MB21D2: variants seen among roughly 807,000 people sequenced by gnomAD.
The protein encoded by MB21D2 is Mab-21 domain containing 2.
Under a neutral mutation model 33.3 loss-of-function variants are expected in MB21D2, and 9 were observed. That is an observed-to-expected ratio of 0.27 (90% CI 0.16 to 0.47). MB21D2 has a LOEUF of 0.47. Ranked by LOEUF, MB21D2 falls within the 20% of genes least tolerant of loss-of-function variation. The probability of loss-of-function intolerance (pLI) is 0.99; values close to 1 mark genes in which losing one functional copy is unlikely to be tolerated. For missense variants in MB21D2, 540 were observed against 624.6 expected (o/e 0.86, Z 1.44); for synonymous variants, 241 against 236.3 (o/e 1.02, Z -0.18).
chr3:192,808,771 C>T (rs1711719518), intron 1 of MB21D2, among the ~76,000 whole-genome samples: 1 of 152,242 alleles, frequency 6.6e-6, no homozygotes, highest in Non-Finnish European at 1.5e-5. Flanking sequence ...ATAATCTGAG[C>T]ATTACGCCCA....
chr3:192,841,680 C>T (rs1308744288), intron 1 of MB21D2, among the ~76,000 whole-genome samples: 1 of 152,258 alleles, frequency 6.6e-6, no homozygotes, highest in African/African-American at 2.4e-5. Flanking sequence ...AAGCCACTCC[C>T]AGATTCCTGA....
chr3:192,813,989 C>T (rs1711852185), intron 1 of MB21D2, among the ~76,000 whole-genome samples: 1 of 152,160 alleles, frequency 6.6e-6, no homozygotes, highest in African/African-American at 2.4e-5. Flanking sequence ...TGCTTAATAG[C>T]TATTAATCAA....
chr3:192,806,142 C>T (rs1711655486), intron 1 of MB21D2, among the ~76,000 whole-genome samples: 1 of 152,198 alleles, frequency 6.6e-6, no homozygotes, highest in South Asian at 2.1e-4. Flanking sequence ...ACCCAGGTAC[C>T]CCATGGAATG....
chr3:192,859,431 A>G (rs1712990905), intron 1 of MB21D2, among the ~76,000 whole-genome samples: 3 of 152,084 alleles, frequency 2.0e-5, no homozygotes. Context: ...AGAAGACAGC[A>G]CTTTTGCTGT....
intron 1 of MB21D2, among the ~76,000 whole-genome samples, chr3:192,875,878 A>G (rs954289931): frequency 3.3e-5 from 5 of 152,078 alleles, no homozygotes; most frequent in African/African-American, 1.2e-4. Flanking sequence ...GGCTACATAC[A>G]CTCATTTCTA....
intron 1 of MB21D2, among the ~76,000 whole-genome samples, chr3:192,840,908 T>G (rs758551512): frequency 6.6e-6 from 1 of 152,216 alleles, no homozygotes; most frequent in South Asian, 2.1e-4. Context: ...CCAAAGCTTA[T>G]AGACAAGAGG....
rs763922500 is a variant in MB21D2, at chr3:192,798,913, T to G, written c.949A>C (p.Ile317Leu). Residue 317 changes from isoleucine to leucine, a missense_variant, in exon 2 of 2, where the codon ATC (isoleucine) becomes CTC (leucine). Physicochemically the swap from Ile to Leu is conservative, Grantham distance 5. Transcript: ENST00000392452. The surrounding 1 kb of genome is among the most constrained non-coding windows in gnomAD (Gnocchi z 4.8). ...TTGGGCCGGGACAGCAGTTTAATGA[T>G]GATGGCTTTGCAGGCCTGATAGGCC... ...MQAYQACKAI[I>L]IKLLSRPKAI... 1.2e-6 allele frequency: 2 copies of G among 1,613,794 alleles called. No homozygotes were observed. The highest frequency in any genetic ancestry group is 2.2e-5 in the South Asian group (2 of 91,072).
At chr3:192,906,819 C>T (rs1487249169) in intron 1 of MB21D2, among the ~76,000 whole-genome samples, 1 of 152,356 alleles carries the variant, frequency 6.6e-6, no homozygotes, top group East Asian at 1.9e-4. Flanking sequence ...ACATGGCAGG[C>T]ATGCCAACAT....
chr3:192,908,910 T>C (rs1391114715), intron 1 of MB21D2, among the ~76,000 whole-genome samples: 1 of 152,110 alleles, frequency 6.6e-6, no homozygotes, highest in Non-Finnish European at 1.5e-5. Flanking sequence ...GAATAGCATA[T>C]TTAAGTGAAT....
intron 1 of MB21D2, among the ~76,000 whole-genome samples, chr3:192,872,467 T>C (rs1713328031): frequency 1.3e-5 from 2 of 151,388 alleles, no homozygotes; most frequent in East Asian, 3.9e-4. Flanking sequence ...TCCCAGCTAC[T>C]CGGGAGGCTG....
Position 192,870,719 on chromosome 3 carries a change from A to G in MB21D2, c.211+46911T>C, listed in dbSNP as rs891091396. On this transcript the variant is annotated intron_variant, in intron 1 of 1. Transcript: ENST00000392452. ...CCGTTGAAAAAAAAAAAAAAAAAAA[A>G]GGAAGGAGAGAAGAAGGAAGGAAGG... 3.0e-5 allele frequency among the ~76,000 whole-genome samples: 4 copies of G among 134,532 alleles called. 1 individual carries two copies. The highest frequency in any genetic ancestry group is 6.1e-5 in the Non-Finnish European group (4 of 65,482). 88.3% of individuals were successfully genotyped at this position (134,532 alleles called of 152,430 possible). A position where few individuals can be genotyped will look rare whatever the true frequency, so the allele number is the denominator to read the frequency against.
intron 1 of MB21D2, among the ~76,000 whole-genome samples, chr3:192,881,411 C>A (rs147175273): frequency 6.6e-6 from 1 of 152,010 alleles, no homozygotes; most frequent in African/African-American, 2.4e-5. Flanking sequence ...CCTTCCAGCT[C>A]GATGTTTTAT....
intron 1 of MB21D2, among the ~76,000 whole-genome samples, chr3:192,913,333 G>A (rs962470396): frequency 6.6e-6 from 1 of 152,158 alleles, no homozygotes; most frequent in African/African-American, 2.4e-5. Flanking sequence ...AGGAAGTAGA[G>A]GTTGCAGTGA....
rs959967794 is a variant in MB21D2, at chr3:192,910,071, C to T, written c.211+7559G>A. On this transcript the variant is annotated intron_variant, in intron 1 of 1. Transcript: ENST00000392452. ...ATGTAGAACATGCAGAGACAGGAGG[C>T]GGCATGGAAAGGTAGGTAAAATCCT... is the stretch of plus-strand genomic sequence containing the variant. 5.5e-4 allele frequency among the ~76,000 whole-genome samples: 83 copies of T among 150,160 alleles called. 1 individual carries two copies. Among genetic ancestry groups the T allele is most frequent in the Non-Finnish European group, 4.4e-5 (3 of 67,756 alleles).
intron 1 of MB21D2, among the ~76,000 whole-genome samples, chr3:192,894,653 G>T (rs922250527): frequency 3.3e-5 from 5 of 151,566 alleles, no homozygotes; most frequent in Admixed American, 6.6e-5. Flanking sequence ...TTTTTTTTCT[G>T]AGAAAGCGAT....
At chr3:192,805,750 AAAGT>A (rs778967362) in intron 1 of MB21D2, among the ~76,000 whole-genome samples, 1 of 152,220 alleles carries the variant, frequency 6.6e-6, no homozygotes, top group Non-Finnish European at 1.5e-5. Context: ...AAATTGATGA[AAAGT>A]AAGTAAACGC....
At chr3:192,871,231 G>C (rs1315320483) in intron 1 of MB21D2, among the ~76,000 whole-genome samples, 2 of 152,058 alleles carry the variant, frequency 1.3e-5, no homozygotes, top group African/African-American at 4.8e-5. Context: ...ATGATGAAAA[G>C]TTACACATAC....
intron 1 of MB21D2, among the ~76,000 whole-genome samples, chr3:192,800,992 C>T (rs1711552240): frequency 6.6e-6 from 1 of 152,116 alleles, no homozygotes; most frequent in Non-Finnish European, 1.5e-5. Flanking sequence ...ATTAAATTGG[C>T]GATGATATTA....
At chr3:192,857,773 A>G (rs553175805) in intron 1 of MB21D2, among the ~76,000 whole-genome samples, 97 of 152,292 alleles carry the variant, frequency 6.4e-4, no homozygotes, top group South Asian at 2.1e-3. Context: ...AGGTGGAAAC[A>G]TGCTGCACGA....
Sources: allele counts gnomAD v4.1 joint callset (sites outside exome capture counted in the v4.1 genomes callset), GRCh38; gene constraint gnomAD v4.1.1; non-coding constraint Gnocchi (gnomAD v3.1); transcripts MANE v1.5; gene names NCBI Gene and HGNC (gene_info 2026-07-23, HGNC 2026-07-21).